Variants in DUXB observed in about 807,000 individuals in gnomAD.
DUXB encodes double homeobox B.
In DUXB, 22 loss-of-function variants were observed where a neutral mutation model predicts 8.9. The observed-to-expected ratio is 2.46, with a 90% CI of 1.76 to 3.52. The LOEUF (loss-of-function observed/expected upper bound fraction) is 3.52. Among genes scored for constraint, DUXB ranks in the 30% most tolerant of loss-of-function variants. The pLI is 0.00. For synonymous variants in DUXB, 84 were observed against 37.6 expected, an observed-to-expected ratio of 2.23 and a Z score of -4.52; for missense variants, 237 against 108.7, an observed-to-expected ratio of 2.18 and a Z score of -5.25.
intron 2 of DUXB, among the ~76,000 whole-genome samples, chr16:75,697,470 G>A (rs1048248643): frequency 1.3e-5 from 2 of 152,090 alleles, no homozygotes; most frequent in African/African-American, 4.8e-5. Flanking sequence ...CAATAGATGA[G>A]GAGACTCCTA....
intron 2 of DUXB, among the ~76,000 whole-genome samples, chr16:75,699,325 T>C (rs1337764624): frequency 6.6e-6 from 1 of 152,184 alleles, no homozygotes. Context: ...TTACCCCAGT[T>C]TCCTTGTAAT....
Position 75,699,701 on chromosome 16 carries a change from G to A in DUXB, c.180+314C>T, listed in dbSNP as rs534594607. On this transcript the variant is annotated intron_variant, in intron 2 of 4. Transcript: ENST00000633875. ...AGCCTCCAGAGTAGCTGGGACTACA[G>A]GCGACTGCCACCACGCCCGGCTAAT... is the stretch of plus-strand genomic sequence containing the variant. 3.3e-5 allele frequency among the ~76,000 whole-genome samples: 5 copies of A among 152,020 alleles called. No individual in the cohort carries two copies. In the South Asian group the frequency reaches 1.0e-3, roughly 32 times the overall value.
intron 1 of DUXB, among the ~76,000 whole-genome samples, chr16:75,700,641 C>T (rs1156867001): frequency 1.3e-5 from 2 of 151,972 alleles, no homozygotes; most frequent in Non-Finnish European, 2.9e-5. Flanking sequence ...GGTCAGCCTC[C>T]TAAGTAGCTG....
intron 3 of DUXB, 115 bp downstream of exon 3, chr16:75,696,723 C>T: frequency 1.7e-6 from 1 of 605,608 alleles, no homozygotes; most frequent in South Asian, 2.0e-5. Context: ...GATAATGTTT[C>T]TATCTCTGGT....
At chr16:75,694,902 G>A (rs2082592902) in intron 4 of DUXB, among the ~76,000 whole-genome samples, 1 of 152,198 alleles carries the variant, frequency 6.6e-6, no homozygotes, top group Admixed American at 6.5e-5. Context: ...AGGAACTTGA[G>A]CATCCTTGGA....
In DUXB at chr16:75,694,477, C is replaced by T; in HGVS notation, c.490G>A (p.Glu164Lys). ...RSLYLKKSRMEPMNLLVDDPN... is the reference protein window; with the variant it reads ...RSLYLKKSRMKPMNLLVDDPN... ...TCGTCTACCAATAAATTCATGGGCT[C>T]CATTCTGCTCTTCTTGAGGTACAGA... The change falls in exon 5 of 5, where the codon GAG (glutamate) becomes AAG (lysine). Residue 164 changes from glutamate to lysine, a missense_variant. Physicochemically the swap from Glu to Lys is moderately conservative, Grantham distance 56. Transcript: ENST00000633875. 1.4e-6 allele frequency: 1 copy of T among 703,002 alleles called. No homozygotes were observed. Among genetic ancestry groups the T allele is most frequent in the East Asian group, 2.7e-5 (1 of 37,284 alleles). 43.5% of individuals were successfully genotyped at this position (703,002 alleles called of 1,614,324 possible).
chr16:75,696,145 A>G (rs1170119154), intron 3 of DUXB, 30 bp from the exon 4 acceptor site: 3 of 697,866 alleles, frequency 4.3e-6, no homozygotes, highest in Non-Finnish European at 7.8e-6. Flanking sequence ...CTGTTGGGGA[A>G]TTTTCATATT....
intron 2 of DUXB, among the ~76,000 whole-genome samples, chr16:75,699,036 G>A (rs1263081685): frequency 6.6e-6 from 1 of 152,026 alleles, no homozygotes; most frequent in Admixed American, 6.6e-5. Context: ...TGGAGAGATG[G>A]GGTTTTACTG....
chr16:75,693,949 G>C lies in DUXB; in HGVS notation c.1018C>G (p.Pro340Ala), dbSNP rs1357878293. The stretch of plus-strand genomic sequence containing the variant: ...CTGTCTCAGTGTGTCCCTTTGAGAG[G>C]GTCCCATTCAGCAAGCAGAGCCTGG... ...ICQALLAEWD[P>A]LKGTH The change falls in exon 5 of 5, where the codon CCT becomes GCT. Residue 340 changes from proline (P) to alanine (A), a missense_variant. By Grantham distance (27) the Pro-to-Ala change is conservative. Transcript: ENST00000633875. 2.5e-6 allele frequency: 1 copy of C among 400,114 alleles called. No individual in the cohort carries two copies. Among genetic ancestry groups the C allele is most frequent in the Non-Finnish European group, 4.4e-6 (1 of 227,426 alleles). The allele number at this position is 400,114 out of a possible 1,614,324, so 24.8% of individuals were successfully genotyped here. A position where few individuals can be genotyped will look rare whatever the true frequency, so the allele number is the denominator to read the frequency against.
At chr16:75,701,203 A>C (rs1959208146) in intron 1 of DUXB, among the ~76,000 whole-genome samples, 191 bp downstream of exon 1, 1 of 152,216 alleles carries the variant, frequency 6.6e-6, no homozygotes, top group Admixed American at 6.5e-5. Context: ...GCCATCTTAC[A>C]TTTCAAATTC....
Position 75,700,078 on chromosome 16 carries a change from G to A in DUXB, c.117C>T (p.Phe39=). ...GTTGTTCTCTGGCAGCTTTATCAGG[G>A]AAAGGGTCATGTTGAAACCATGATT... The part of the protein sequence containing the change: ...ILQSWFQHDP[F]PDKAAREQLA... Residue 39 remains phenylalanine (F), a synonymous_variant, in exon 2 of 5, where the codon TTC becomes TTT. Coordinates refer to ENST00000633875, the MANE Select transcript of DUXB (RefSeq NM_001351307.2). 1 of 702,768 alleles carries A rather than the reference G, an allele frequency of 1.4e-6. No individual in the cohort carries two copies. 43.5% of individuals were successfully genotyped at this position (702,768 alleles called of 1,614,324 possible). A position where few individuals can be genotyped will look rare whatever the true frequency, so the allele number is the denominator to read the frequency against.
intron 4 of DUXB, among the ~76,000 whole-genome samples, chr16:75,694,887 A>T (rs2082592788): frequency 6.6e-6 from 1 of 152,248 alleles, no homozygotes; most frequent in African/African-American, 2.4e-5. Context: ...ACATCATTTT[A>T]TATCAGGAAC....
chr16:75,697,255 C>T (rs2082615805), intron 2 of DUXB, among the ~76,000 whole-genome samples: 1 of 152,168 alleles, frequency 6.6e-6, no homozygotes, highest in Non-Finnish European at 1.5e-5. Context: ...TCTTTCCCTC[C>T]CTCCTAGCAG....
rs1304189458 is a variant in DUXB at position 75,696,918 on chromosome 16, T to A, written c.206A>T (p.Lys69Ile). 1.4e-6 allele frequency: 1 copy of A among 702,836 alleles called. No homozygotes were observed. The highest frequency in any genetic ancestry group is 2.6e-6 in the Non-Finnish European group (1 of 384,996). The allele number at this position is 702,836 out of a possible 1,614,324, so 43.5% of individuals were successfully genotyped here. A position where few individuals can be genotyped will look rare whatever the true frequency, so the allele number is the denominator to read the frequency against. Residue 69 changes from lysine (K) to isoleucine (I), a missense_variant, in exon 3 of 5, where the codon AAA (lysine) becomes ATA (isoleucine). Transcript: ENST00000633875. ...IQVWFKNYRV[K>I]QRKLDYKCFS... ...GCACTTATAATCCAGTTTTCTCTGT[T>A]TTACTCTGTAATTTTTAAACCAAAC...
chr16:75,698,874 C>T (rs953602716), intron 2 of DUXB: 5 of 152,140 alleles, frequency 3.3e-5, no homozygotes, highest in African/African-American at 4.8e-5. Context: ...GACATGGTCT[C>T]GCTCTGTCTG....
chr16:75,698,066 C>T (rs922499143), intron 2 of DUXB, among the ~76,000 whole-genome samples: 2 of 152,156 alleles, frequency 1.3e-5, no homozygotes, highest in Non-Finnish European at 2.9e-5. Flanking sequence ...TATCTCTTCT[C>T]TAAATTAATG....
chr16:75,697,123 A>C (rs541185424), intron 2 of DUXB, among the ~76,000 whole-genome samples, 180 bp from the exon 3 acceptor site: 68 of 152,332 alleles, frequency 4.5e-4, no homozygotes, highest in Non-Finnish European at 8.5e-4. Flanking sequence ...AGGACCACAC[A>C]CGCATCTCCC....
chr16:75,697,934 C>T (rs1351431309), intron 2 of DUXB, among the ~76,000 whole-genome samples: 9 of 152,166 alleles, frequency 5.9e-5, no homozygotes, highest in South Asian at 2.1e-4. Context: ...GCCTGATGAC[C>T]GGTGGTGGAA....
intron 1 of DUXB, among the ~76,000 whole-genome samples, chr16:75,701,172 C>T (rs988124994): frequency 6.6e-6 from 1 of 152,088 alleles, no homozygotes; most frequent in Non-Finnish European, 1.5e-5. Context: ...GGTAGATGAC[C>T]CTTGTATGGG....
Sources: allele counts gnomAD v4.1 joint callset (sites outside exome capture counted in the v4.1 genomes callset), GRCh38; gene constraint gnomAD v4.1.1; transcripts MANE v1.5; gene names NCBI Gene and HGNC (gene_info 2026-07-23, HGNC 2026-07-21).